Variants in ACTC1 observed in about 807,000 individuals in gnomAD.
ACTC1 encodes the protein actin alpha cardiac muscle 1, also known as actin, alpha cardiac muscle 1.
In ACTC1, 10 loss-of-function variants were observed where a neutral mutation model predicts 31.6. That is an observed-to-expected ratio of 0.32 (90% CI 0.19 to 0.54). The LOEUF is 0.54. ACTC1 is among the 20% of genes least tolerant of loss of function. The pLI is 0.95. For synonymous variants in ACTC1, 196 were observed against 185.0 expected (o/e 1.06, Z -0.48); for missense variants, 129 against 506.4 (o/e 0.25, Z 7.15).
intron 1 of ACTC1, among the ~76,000 whole-genome samples, chr15:34,795,295 C>A (rs1566968269): frequency 6.6e-6 from 1 of 150,628 alleles, no homozygotes; most frequent in Non-Finnish European, 1.5e-5. Context: ...CGAGGTCCTG[C>A]GAGGACCAAC....
In ACTC1 at chr15:34,791,261, G is replaced by A. The variant is rs368010998; in HGVS notation, c.843C>T (p.Tyr281=). 4 of 1,604,200 alleles carry A rather than the reference G, an allele frequency of 2.5e-6. No homozygotes were observed. The African/African-American group carries it at 4.0e-5, about 16-fold the overall frequency. Residue 281 remains tyrosine, a synonymous_variant, in exon 6 of 7, where the codon TAC becomes TAT. Transcript: ENST00000290378. Reference sequence around the variant, plus strand: ...CAATGTCACACTTCATGATGCTATTGTAAGTTGTTTCATGGATGCCAGCAG... The same window carrying A: ...CAATGTCACACTTCATGATGCTATTATAAGTTGTTTCATGGATGCCAGCAG... ...MESAGIHETT[Y]NSIMKCDIDI...
At position 34,793,576 on chromosome 15, in the gene ACTC1, G is replaced by T; in HGVS notation, c.130-7C>A. 6.2e-7 allele frequency: 1 copy of T among 1,613,328 alleles called. No individual in the cohort carries two copies. Among genetic ancestry groups the T allele is most frequent in the East Asian group, 2.2e-5 (1 of 44,858 alleles). ...CCATACCCACCATAACTCCCTATGA[G>T]AAGAAAAAATGAGAAAATCATGCTC... On this transcript the variant is annotated splice_polypyrimidine_tract_variant and splice_region_variant and intron_variant, in intron 2 of 6. Coordinates refer to ENST00000290378, the MANE Select transcript of ACTC1 (RefSeq NM_005159.5). This position sits in a 1 kb window ranked among gnomAD's most constrained non-coding sequence, Gnocchi z 4.8.
chr15:34,790,655 T>A, intron 6 of ACTC1, 100 bp from the exon 7 acceptor site: 1 of 1,363,146 alleles, frequency 7.3e-7, no homozygotes, highest in Non-Finnish European at 1.0e-6. Flanking sequence ...CATTAGATAT[T>A]AATTCGCTAT....
chr15:34,795,266 C>A (rs1003464651), intron 1 of ACTC1, among the ~76,000 whole-genome samples: 1 of 152,034 alleles, frequency 6.6e-6, no homozygotes, highest in Non-Finnish European at 1.5e-5. Context: ...CCACAAAATT[C>A]CCCTTCTTAG....
At chr15:34,795,424 C>A (rs1386970502) in intron 1 of ACTC1, 82 bp downstream of exon 1, 1 of 152,134 alleles carries the variant, frequency 6.6e-6, no homozygotes, top group East Asian at 1.9e-4. Context: ...CCGGGCTGGC[C>A]AGGTGGCGGC....
chr15:34,793,438 G>A lies in ACTC1; in HGVS notation c.261C>T (p.Ile87=), dbSNP rs1174917816. The change falls in exon 3 of 7, where the codon ATC becomes ATT. Residue 87 remains isoleucine, a synonymous_variant. Coordinates refer to ENST00000290378, the MANE Select transcript of ACTC1 (RefSeq NM_005159.5). The surrounding 1 kb of genome is among the most constrained non-coding windows in gnomAD (Gnocchi z 4.8). ...IITNWDDMEK[I]WHHTFYNELR... Reference sequence around the variant, plus strand: ...GCTCATTGTAGAAGGTGTGGTGCCAGATCTTCTCCATGTCGTCCCAGTTGG... The same window carrying A: ...GCTCATTGTAGAAGGTGTGGTGCCAAATCTTCTCCATGTCGTCCCAGTTGG... The A allele has an allele frequency of 1.9e-6, 3 of 1,614,052 alleles. No individual in the cohort carries two copies. The Admixed American group carries it at 5.0e-5, about 27-fold the overall frequency.
At chr15:34,794,246 C>A (rs866473975) in intron 2 of ACTC1, among the ~76,000 whole-genome samples, 3 of 152,162 alleles carry the variant, frequency 2.0e-5, no homozygotes, top group Admixed American at 6.5e-5. Flanking sequence ...ATTGATTACA[C>A]CTTTGGGGAA....
At chr15:34,790,627 G>A in intron 6 of ACTC1, 72 bp from the exon 7 acceptor site, 1 of 1,571,500 alleles carries the variant, frequency 6.4e-7, no homozygotes, top group East Asian at 2.2e-5. Context: ...CACATTGGGA[G>A]GATTCACAGA....
chr15:34,791,333 A>AT, intron 5 of ACTC1, 38 bp from the exon 6 acceptor site: 1 of 1,579,394 alleles, frequency 6.3e-7, no homozygotes, highest in Non-Finnish European at 8.7e-7. Flanking sequence ...ACACACACAC[A>AT]CACACACACA....
In ACTC1 at chr15:34,792,778, T is replaced by TA. The variant is rs1434922436; in HGVS notation, c.455-210dup. ...AACTGCAGCTCATCTTTTTAACTAT[T>TA]ATAGTAGAAAAAATTCCCGAGGACA... On this transcript the variant is annotated intron_variant, in intron 3 of 6. Coordinates refer to ENST00000290378, the MANE Select transcript of ACTC1 (RefSeq NM_005159.5). The surrounding 1 kb of genome is among the most constrained non-coding windows in gnomAD (Gnocchi z 5.3). The TA allele has an allele frequency of 6.6e-6, 4 of 603,750 alleles. No homozygotes were observed. Among genetic ancestry groups the TA allele is most frequent in the African/African-American group, 1.9e-5 (1 of 53,936 alleles). The allele number at this position is 603,750 out of a possible 1,614,324, so 37.4% of individuals were successfully genotyped here.
Position 34,794,799 on chromosome 15 carries a change from C to G in ACTC1, c.10G>C (p.Asp4His), listed in dbSNP as rs730880408. 1 of 1,613,420 alleles carries G rather than the reference C, an allele frequency of 6.2e-7. No homozygotes were observed. The highest frequency in any genetic ancestry group is 8.5e-7 in the Non-Finnish European group (1 of 1,179,586). The change falls in exon 2 of 7, where the codon GAC (aspartate) becomes CAC (histidine). Residue 4 changes from aspartate (D) to histidine (H), a missense_variant. Around this residue, in one of 5 missense-constraint regions of ACTC1, gnomAD observed 11 missense variants for 17.0 expected, o/e 0.65. Coordinates refer to ENST00000290378, the MANE Select transcript of ACTC1 (RefSeq NM_005159.5). Reference protein sequence around the residue: MCDDEETTALVCDN... With the variant: MCDHEETTALVCDN... ...CACACCAGGGCGGTGGTCTCCTCGT[C>G]GTCACACATCTTGGCACAGCTTCAG...
intron 2 of ACTC1, 61 bp downstream of exon 2, chr15:34,794,619 T>C: frequency 1.3e-6 from 2 of 1,572,318 alleles, no homozygotes; most frequent in South Asian, 2.3e-5. Flanking sequence ...TGAGAGCCAT[T>C]TCCTAGATCG....
chr15:34,794,985 C>G (rs944515752), intron 1 of ACTC1, among the ~76,000 whole-genome samples, 155 bp from the exon 2 acceptor site: 44 of 152,124 alleles, frequency 2.9e-4, no homozygotes, highest in Admixed American at 7.2e-4. Flanking sequence ...CCCCTCGAAT[C>G]ATAAAAGGGA....
intron 1 of ACTC1, among the ~76,000 whole-genome samples, 156 bp downstream of exon 1, chr15:34,795,350 T>TA (rs1891803882): frequency 1.6e-5 from 2 of 122,754 alleles, no homozygotes; most frequent in Non-Finnish European, 3.3e-5. Flanking sequence ...AGTGTGGGCT[T>TA]TAAAAAAAAA....
Position 34,792,698 on chromosome 15 carries a change from G to A in ACTC1, c.455-129C>T. On this transcript the variant is annotated intron_variant, in intron 3 of 6. Transcript: ENST00000290378. This position sits in a 1 kb window ranked among gnomAD's most constrained non-coding sequence, Gnocchi z 5.3. ...ATGGGCATTGATCCAGATAAAATTAGATTCCTTACACACAAAGAATAAAAA... is the reference window on the plus strand; with the variant it reads ...ATGGGCATTGATCCAGATAAAATTAAATTCCTTACACACAAAGAATAAAAA... The A allele has an allele frequency of 2.1e-6, 2 of 954,490 alleles. No homozygotes were observed. The highest frequency in any genetic ancestry group is 3.3e-6 in the Non-Finnish European group (2 of 603,950). The allele number at this position is 954,490 out of a possible 1,614,324, so 59.1% of individuals were successfully genotyped here. A position where few individuals can be genotyped will look rare whatever the true frequency, so the allele number is the denominator to read the frequency against.
Position 34,793,719 on chromosome 15 carries a change from A to AT in ACTC1, c.130-151dup, listed in dbSNP as rs1024501484. The AT allele has an allele frequency of 4.0e-6, 3 of 747,356 alleles. No individual in the cohort carries two copies. In the African/African-American group the frequency reaches 5.3e-5, roughly 13 times the overall value. 46.3% of individuals were successfully genotyped at this position (747,356 alleles called of 1,614,324 possible). A position where few individuals can be genotyped will look rare whatever the true frequency, so the allele number is the denominator to read the frequency against. ...TACGATTTTACCCCAATTTAGAAGA[A>AT]TTATTTAAAAATCAATCTTCTACCT... is the stretch of plus-strand genomic sequence containing the variant. On this transcript the variant is annotated intron_variant, in intron 2 of 6. Coordinates refer to ENST00000290378, the MANE Select transcript of ACTC1 (RefSeq NM_005159.5). The surrounding 1 kb of genome is among the most constrained non-coding windows in gnomAD (Gnocchi z 4.8).
chr15:34,794,393 A>G (rs1317091828), intron 2 of ACTC1, among the ~76,000 whole-genome samples: 1 of 152,208 alleles, frequency 6.6e-6, no homozygotes, highest in Non-Finnish European at 1.5e-5. Flanking sequence ...TAAGGCAGAG[A>G]AGACACTAAA....
chr15:34,794,899 A>T, intron 1 of ACTC1, 69 bp from the exon 2 acceptor site: 2 of 1,295,874 alleles, frequency 1.5e-6, no homozygotes, highest in Non-Finnish European at 2.1e-6. Flanking sequence ...CCGCACCCAG[A>T]GGACAGGACA....
In ACTC1 at chr15:34,792,347, G is replaced by T; in HGVS notation, c.616+61C>A. On this transcript the variant is annotated intron_variant, in intron 4 of 6. Transcript: ENST00000290378. This position sits in a 1 kb window ranked among gnomAD's most constrained non-coding sequence, Gnocchi z 5.3. Reference sequence around the variant, plus strand: ...GAAGTCAATTATAGGGAGGTAGGCGGATTCAGTGAGAGAGGAGGAAAGCAG... The same window carrying T: ...GAAGTCAATTATAGGGAGGTAGGCGTATTCAGTGAGAGAGGAGGAAAGCAG... The T allele has an allele frequency of 1.2e-6, 2 of 1,613,868 alleles. 1 individual carries two copies. Among genetic ancestry groups the T allele is most frequent in the Non-Finnish European group, 1.7e-6 (2 of 1,179,736 alleles).
Sources: allele counts gnomAD v4.1 joint callset (sites outside exome capture counted in the v4.1 genomes callset), GRCh38; gene constraint gnomAD v4.1.1; regional missense constraint gnomAD v4.1.1; non-coding constraint Gnocchi (gnomAD v3.1); transcripts MANE v1.5; gene names NCBI Gene and HGNC (gene_info 2026-07-23, HGNC 2026-07-21).